The following NDRG2 variants were observed in gnomAD, a reference collection of about 807,000 sequenced individuals.
NDRG2 encodes protein NDRG2.
In NDRG2, 34 loss-of-function variants were observed where a neutral mutation model predicts 58.2. That is an observed-to-expected ratio of 0.58 (90% CI 0.44 to 0.78). The LOEUF (loss-of-function observed/expected upper bound fraction) is 0.78. NDRG2 is among the 30% of genes least tolerant of loss of function. The probability of loss-of-function intolerance (pLI) is 0.00; values close to 1 mark genes in which losing one functional copy is unlikely to be tolerated. For missense variants in NDRG2, 434 were observed against 471.2 expected, an observed-to-expected ratio of 0.92 and a Z score of 0.73; for synonymous variants, 187 against 175.9, an observed-to-expected ratio of 1.06 and a Z score of -0.50.
chr14:21,053,859 C>T (rs147076962), intron 1 of NDRG2, among the ~76,000 whole-genome samples: 32 of 152,192 alleles, frequency 2.1e-4, no homozygotes, highest in African/African-American at 7.0e-4. Context: ...ATTCAATGAA[C>T]TCGGAAGTGC....
chr14:21,040,672 G>C (rs1884847409), intron 1 of NDRG2, among the ~76,000 whole-genome samples: 1 of 152,162 alleles, frequency 6.6e-6, no homozygotes, highest in Non-Finnish European at 1.5e-5. Context: ...AGCCACACTG[G>C]ACACACTGCT....
chr14:21,025,851 C>T (rs1190926513), upstream of NDRG2: 1 of 335,326 alleles, frequency 3.0e-6, no homozygotes, highest in Non-Finnish European at 4.2e-6. The surrounding 1 kb of genome is among the most constrained non-coding windows in gnomAD (Gnocchi z 5.1). Context: ...GGGTCAATGC[C>T]TCAAGGGGCG....
chr14:21,033,848 T>C, intron 1 of NDRG2: 1 of 1,613,360 alleles, frequency 6.2e-7, no homozygotes, highest in South Asian at 1.1e-5. Context: ...CAGCGATACC[T>C]ATTGGATCAG....
chr14:21,038,073 G>C (rs1049229286), intron 1 of NDRG2, among the ~76,000 whole-genome samples: 2 of 152,192 alleles, frequency 1.3e-5, no homozygotes, highest in Non-Finnish European at 2.9e-5. Flanking sequence ...TTCCTGGGCT[G>C]TCCTTGAACC....
chr14:21,032,128 C>A, intron 1 of NDRG2: 1 of 1,559,494 alleles, frequency 6.4e-7, no homozygotes, highest in Non-Finnish European at 8.8e-7. Context: ...ATGTTTAACA[C>A]CAGGGAGCTT....
chr14:21,052,555 A>G (rs1437245626), intron 1 of NDRG2, among the ~76,000 whole-genome samples: 2 of 152,184 alleles, frequency 1.3e-5, no homozygotes, highest in Non-Finnish European at 2.9e-5. Flanking sequence ...TGGAGACAAA[A>G]GGAAAATCAG....
intron 1 of NDRG2, among the ~76,000 whole-genome samples, chr14:21,042,609 G>C (rs1287678805): frequency 6.6e-6 from 1 of 151,896 alleles, no homozygotes; most frequent in Non-Finnish European, 1.5e-5. Context: ...TGGGGATGGA[G>C]GCAAAAAATG....
chr14:21,022,323 G>T (rs1880954016), intron 4 of NDRG2, 69 bp downstream of exon 4: 4 of 1,576,484 alleles, frequency 2.5e-6, no homozygotes, highest in African/African-American at 1.3e-5. Context: ...CCTCCCTCTG[G>T]GTTTCATTTC....
At chr14:21,061,549 T>C (rs1360082333) in intron 1 of NDRG2, among the ~76,000 whole-genome samples, 1 of 152,064 alleles carries the variant, frequency 6.6e-6, no homozygotes, top group Admixed American at 6.6e-5. Flanking sequence ...CCCAATAGCC[T>C]TGGGACCGAA....
intron 6 of NDRG2, 101 bp from the exon 7 acceptor site, chr14:21,020,945 G>A: frequency 7.5e-7 from 1 of 1,324,592 alleles, no homozygotes. Flanking sequence ...GAGTCCACGG[G>A]CACAAAGAAA....
upstream of NDRG2, among the ~76,000 whole-genome samples, chr14:21,027,960 T>C (rs1883808706): frequency 6.6e-6 from 1 of 152,206 alleles, no homozygotes; most frequent in African/African-American, 2.4e-5. Context: ...GAGAACTGAA[T>C]AGTAGCTTCC....
Position 21,024,076 on chromosome 14 carries a change from C to G in NDRG2, c.-53G>C. 3.0e-6 allele frequency: 3 copies of G among 985,508 alleles called. No homozygotes were observed. Among genetic ancestry groups the G allele is most frequent in the Non-Finnish European group, 3.6e-6 (3 of 829,976 alleles). The allele number at this position is 985,508 out of a possible 1,614,324, so 61.0% of individuals were successfully genotyped here. A position where few individuals can be genotyped will look rare whatever the true frequency, so the allele number is the denominator to read the frequency against. The stretch of plus-strand genomic sequence containing the variant: ...CAGTGGGATTAGGGGTCAGGGTTCT[C>G]ACTCCTTCTGACTCTGGGGTCTGAG... On this transcript the variant is annotated 5_prime_UTR_variant, in exon 1 of 16. It removes the in-frame stop codon of an upstream open reading frame in the 5' UTR. Transcript: ENST00000556147.
chr14:21,044,912 T>C (rs926022547), intron 1 of NDRG2, among the ~76,000 whole-genome samples: 3 of 152,188 alleles, frequency 2.0e-5, no homozygotes, highest in Non-Finnish European at 4.4e-5. Flanking sequence ...CCAGACAGAA[T>C]CAGGTGTAAA....
chr14:21,037,467 G>C (rs1566493197), intron 1 of NDRG2, among the ~76,000 whole-genome samples: 1 of 152,234 alleles, frequency 6.6e-6, no homozygotes, highest in Non-Finnish European at 1.5e-5. Flanking sequence ...GTCTAATTCA[G>C]TAGTTCCAGG....
At chr14:21,022,203 C>T in intron 4 of NDRG2, 21 bp from the exon 5 acceptor site, 2 of 1,614,148 alleles carry the variant, frequency 1.2e-6, no homozygotes, top group Non-Finnish European at 1.7e-6. Flanking sequence ...CCCACATCAC[C>T]TCAACAATAG....
At chr14:21,049,273 C>T (rs756124511) in intron 1 of NDRG2, among the ~76,000 whole-genome samples, 1 of 152,200 alleles carries the variant, frequency 6.6e-6, no homozygotes, top group African/African-American at 2.4e-5. Context: ...ATATTTTTCC[C>T]ACCCTCTGAT....
Position 21,024,633 on chromosome 14 carries a change from G to A in NDRG2, c.-610C>T, listed in dbSNP as rs556786438. Reference sequence around the variant, plus strand: ...TAGGTCCCACGAGTGGAGAAAGGGAGAGGAGAGCGGTCCCACAATCTTCTC... The same window carrying A: ...TAGGTCCCACGAGTGGAGAAAGGGAAAGGAGAGCGGTCCCACAATCTTCTC... On this transcript the variant is annotated 5_prime_UTR_variant, in exon 1 of 16. Coordinates refer to ENST00000556147, the MANE Select transcript of NDRG2 (RefSeq NM_001320329.2). The A allele has an allele frequency of 1.0e-6, 1 of 984,382 alleles. No homozygotes were observed. The highest frequency in any genetic ancestry group is 6.2e-5 in the Admixed American group (1 of 16,206). The allele number at this position is 984,382 out of a possible 1,614,324, so 61.0% of individuals were successfully genotyped here.
chr14:21,060,439 G>A (rs1885898700), intron 1 of NDRG2, among the ~76,000 whole-genome samples: 1 of 152,194 alleles, frequency 6.6e-6, no homozygotes, highest in African/African-American at 2.4e-5. Context: ...TCTTCCCAGT[G>A]TTGCGGGCAG....
rs143717969 is a variant in NDRG2 at position 21,061,935 on chromosome 14, C to T, written c.24+8893G>A. Among the ~76,000 whole-genome samples, 395 of 152,034 alleles carry T rather than the reference C, an allele frequency of 2.6e-3. 9 individuals are homozygous for T. The highest frequency in any genetic ancestry group is 0.017 in the Admixed American group (255 of 15,270). ...ATGTTTTGCTGGTTAGCTCAAATGC[C>T]CAAATTACTTTATAAGGACATGGAA... On this transcript the variant is annotated intron_variant, in intron 1 of 14. Coordinates refer to the NDRG2 transcript ENST00000403829.
Sources: gnomAD v4.1 joint callset for allele counts (sites outside exome capture counted in the v4.1 genomes callset) on GRCh38, gnomAD v4.1.1 for gene constraint, Gnocchi (gnomAD v3.1) non-coding constraint, MANE v1.5 for transcripts, NCBI Gene and HGNC (gene_info 2026-07-23, HGNC 2026-07-21) for gene names.